Variants in VWA2 observed in about 807,000 individuals in gnomAD.
VWA2 encodes the protein von Willebrand factor A domain containing 2.
In VWA2, 73 loss-of-function variants were observed where a neutral mutation model predicts 70.4. That is an observed-to-expected ratio of 1.04 (90% CI 0.86 to 1.26). VWA2 has a LOEUF of 1.26. Among genes scored for constraint, VWA2 ranks in the 50% most tolerant of loss-of-function variants. The pLI is 0.00. For synonymous variants in VWA2, 407 were observed against 423.3 expected (o/e 0.96, Z 0.47); for missense variants, 1,011 against 998.5 (o/e 1.01, Z -0.17).
chr10:114,254,892 T>A (rs748686856), intron 3 of VWA2, 23 bp from the exon 4 acceptor site: 5 of 1,604,482 alleles, frequency 3.1e-6, no homozygotes, highest in Non-Finnish European at 4.3e-6. Context: ...CTGGTTGTCA[T>A]CTGTCTGTCC....
rs780326649 is a variant in VWA2, at chr10:114,277,168, CTTTTTTTTTTTT to C, written c.567-727_567-716del. Among the ~76,000 whole-genome samples, 179 of 61,210 alleles carry C rather than the reference CTTTTTTTTTTTT, an allele frequency of 2.9e-3. 4 individuals are homozygous for C. Among genetic ancestry groups the C allele is most frequent in the South Asian group, 9.0e-3 (15 of 1,670 alleles). 40.2% of individuals were successfully genotyped at this position (61,210 alleles called of 152,430 possible). The stretch of plus-strand genomic sequence containing the variant: ...TCTAGATACATTACTGACTGCACGT[CTTTTTTTTTTTT>C]TTTTTTTTTTTTTTTTTTCTGGAGA... On this transcript the variant is annotated intron_variant, in intron 6 of 13. Transcript: ENST00000392982.
intron 1 of VWA2, among the ~76,000 whole-genome samples, chr10:114,248,461 T>G (rs1019767897): frequency 6.6e-6 from 1 of 151,966 alleles, no homozygotes; most frequent in Non-Finnish European, 1.5e-5. Context: ...TGGGGTGCAT[T>G]TGGGGGTGGA....
intron 5 of VWA2, among the ~76,000 whole-genome samples, chr10:114,268,265 C>CA (rs552839316): frequency 2.6e-5 from 3 of 113,334 alleles, no homozygotes; most frequent in Non-Finnish European, 5.0e-5. Context: ...AAAGTTCATA[C>CA]ATGGCAGTCA....
At chr10:114,271,281 C>A (rs1379760723) in intron 5 of VWA2, among the ~76,000 whole-genome samples, 3 of 152,174 alleles carry the variant, frequency 2.0e-5, no homozygotes, top group Admixed American at 6.5e-5. Flanking sequence ...GTAGGCAAGA[C>A]TGCTAATTCT....
chr10:114,280,113 C>A (rs1293387482), intron 8 of VWA2, among the ~76,000 whole-genome samples: 1 of 152,318 alleles, frequency 6.6e-6, no homozygotes, highest in Non-Finnish European at 1.5e-5. Flanking sequence ...TGATAATAAT[C>A]ATACCTGCCC....
chr10:114,264,204 C>T (rs1475716550), intron 5 of VWA2, among the ~76,000 whole-genome samples: 1 of 152,196 alleles, frequency 6.6e-6, no homozygotes, highest in Non-Finnish European at 1.5e-5. Flanking sequence ...ATGTTCATAC[C>T]AGTGCTGTTT....
chr10:114,281,166 G>A (rs2038082220), intron 8 of VWA2: 1 of 152,288 alleles, frequency 6.6e-6, no homozygotes, highest in Non-Finnish European at 1.5e-5. Flanking sequence ...CCCAGGGTGG[G>A]ATCTTGTTGG....
chr10:114,274,716 A>C (rs2037788529), intron 6 of VWA2, among the ~76,000 whole-genome samples: 1 of 151,710 alleles, frequency 6.6e-6, no homozygotes, highest in Non-Finnish European at 1.5e-5. Flanking sequence ...GCTAGTCTTG[A>C]ACTCCTGGCT....
chr10:114,285,601 A>C (rs772396022), intron 10 of VWA2, among the ~76,000 whole-genome samples: 11 of 152,250 alleles, frequency 7.2e-5, no homozygotes, highest in Non-Finnish European at 1.2e-4. Context: ...AAAGCAGTGA[A>C]GCCTGTAGAA....
chr10:114,282,661 G>T, intron 9 of VWA2, 90 bp downstream of exon 9: 1 of 1,200,336 alleles, frequency 8.3e-7, no homozygotes. Flanking sequence ...TGGGACAGAG[G>T]GTGGGGTTGT....
chr10:114,255,320 A>G (rs1325491871), intron 4 of VWA2, among the ~76,000 whole-genome samples: 1 of 150,318 alleles, frequency 6.7e-6, no homozygotes, highest in African/African-American at 2.5e-5. Context: ...GTTGTCCTGC[A>G]TTGTTCCTCA....
At chr10:114,259,453 G>A (rs1589748637) in intron 4 of VWA2, among the ~76,000 whole-genome samples, 1 of 147,412 alleles carries the variant, frequency 6.8e-6, no homozygotes, top group South Asian at 2.1e-4. Context: ...ATTAAGGTAT[G>A]TTTCGTCCCA....
At chr10:114,285,849 C>T in intron 10 of VWA2, 90 bp from the exon 11 acceptor site, 1 of 1,347,222 alleles carries the variant, frequency 7.4e-7, no homozygotes. Context: ...GCACCATCTC[C>T]CTCCTGGGAG....
rs891224152 is a variant in VWA2 at position 114,286,520 on chromosome 10, C to T, written c.1570+9C>T. ...CAGCCGGCAGCGGCCAGGTAAGGTCCCAGTGCCTGACCCAGGACCGCTGGT... is the reference window on the plus strand; with the variant it reads ...CAGCCGGCAGCGGCCAGGTAAGGTCTCAGTGCCTGACCCAGGACCGCTGGT... On this transcript the variant is annotated intron_variant, in intron 11 of 13. Transcript: ENST00000392982. The T allele has an allele frequency of 1.3e-6, 2 of 1,551,754 alleles. No homozygotes were observed. Among genetic ancestry groups the T allele is most frequent in the African/African-American group, 2.7e-5 (2 of 74,090 alleles).
intron 4 of VWA2, among the ~76,000 whole-genome samples, chr10:114,260,511 T>C (rs1426687693): frequency 6.6e-6 from 1 of 152,116 alleles, no homozygotes; most frequent in East Asian, 1.9e-4. Flanking sequence ...AGGACCGGGT[T>C]GTGGGGTGGC....
rs1469823456 is a variant in VWA2, at chr10:114,292,445, C to T, written c.*1208C>T. On this transcript the variant is annotated 3_prime_UTR_variant, in exon 14 of 14. Coordinates refer to ENST00000392982, the MANE Select transcript of VWA2 (RefSeq NM_001272046.2). ...TTTTAAAGCATTGATCTTACGCTGT[C>T]TAGGTTTTAATTTTGTTTTGCTTTG... 6.6e-6 allele frequency among the ~76,000 whole-genome samples: 1 copy of T among 151,678 alleles called. No homozygotes were observed. The highest frequency in any genetic ancestry group is 1.5e-5 in the Non-Finnish European group (1 of 67,966).
At chr10:114,259,203 T>G (rs2037391139) in intron 4 of VWA2, among the ~76,000 whole-genome samples, 1 of 152,244 alleles carries the variant, frequency 6.6e-6, no homozygotes, top group South Asian at 2.1e-4. Context: ...TGTATATGTT[T>G]TTTTGCTAAA....
chr10:114,250,435 A>G (rs1250261454), intron 2 of VWA2, among the ~76,000 whole-genome samples: 1 of 152,218 alleles, frequency 6.6e-6, no homozygotes, highest in Non-Finnish European at 1.5e-5. Context: ...TACAAGTAAG[A>G]ACAGGTGGAC....
intron 5 of VWA2, among the ~76,000 whole-genome samples, chr10:114,262,176 T>C (rs1271867909): frequency 6.6e-6 from 1 of 152,078 alleles, no homozygotes; most frequent in Non-Finnish European, 1.5e-5. Flanking sequence ...CTCCAAACAA[T>C]ATCGCCCTCT....
Sources: gnomAD v4.1 joint callset for allele counts (sites outside exome capture counted in the v4.1 genomes callset) on GRCh38, gnomAD v4.1.1 for gene constraint, MANE v1.5 for transcripts, NCBI Gene and HGNC (gene_info 2026-07-23, HGNC 2026-07-21) for gene names.